ATRNL1: variants seen among roughly 807,000 people sequenced by gnomAD.
The protein encoded by ATRNL1 is attractin like 1.
In ATRNL1, 95 loss-of-function variants were observed where a neutral mutation model predicts 182.7. That is an observed-to-expected ratio of 0.52 (90% CI 0.44 to 0.62). ATRNL1 has a LOEUF of 0.62. ATRNL1 is among the 20% of genes least tolerant of loss of function. ATRNL1 has a pLI of 0.00. For missense variants in ATRNL1, 1,471 were observed against 1,679.5 expected (o/e 0.88, Z 2.17); for synonymous variants, 576 against 568.3 (o/e 1.01, Z -0.19).
chr10:115,657,832 A>G (rs1555036449), intron 26 of ATRNL1, among the ~76,000 whole-genome samples: 1 of 152,076 alleles, frequency 6.6e-6, no homozygotes, highest in Non-Finnish European at 1.5e-5. Flanking sequence ...CTACCCCTGT[A>G]TCTTTCTGAC....
intron 19 of ATRNL1, among the ~76,000 whole-genome samples, chr10:115,348,124 C>T (rs1856059595): frequency 6.6e-6 from 1 of 152,136 alleles, no homozygotes; most frequent in African/African-American, 2.4e-5. Context: ...CAGGCACGCG[C>T]CACTGCACCC....
intron 26 of ATRNL1, among the ~76,000 whole-genome samples, chr10:115,674,990 T>C (rs1452042494): frequency 2.0e-5 from 3 of 152,154 alleles, no homozygotes; most frequent in Non-Finnish European, 4.4e-5. Context: ...GTGTGTTCAT[T>C]TCTTTTAACT....
chr10:115,265,576 C>G (rs11197141), intron 11 of ATRNL1, among the ~76,000 whole-genome samples: 49 of 151,562 alleles, frequency 3.2e-4, no homozygotes, highest in Non-Finnish European at 5.8e-4. Context: ...AGGAATGACT[C>G]TTCTTTTAAA....
At chr10:115,787,929 C>T (rs1418491339) in intron 27 of ATRNL1, among the ~76,000 whole-genome samples, 1 of 152,146 alleles carries the variant, frequency 6.6e-6, no homozygotes, top group African/African-American at 2.4e-5. Flanking sequence ...ATAGTAGATG[C>T]AGAGATTTGA....
chr10:115,198,724 G>A (rs766135498), intron 8 of ATRNL1, among the ~76,000 whole-genome samples: 40 of 151,952 alleles, frequency 2.6e-4, no homozygotes, highest in Admixed American at 3.9e-4. Flanking sequence ...TTCTGCATGT[G>A]GATATCCAGT....
At chr10:115,182,276 T>C (rs1295419184) in intron 8 of ATRNL1, among the ~76,000 whole-genome samples, 3 of 151,472 alleles carry the variant, frequency 2.0e-5, no homozygotes, top group African/African-American at 4.8e-5. Flanking sequence ...CTAGGTATAC[T>C]GAGGATTAAA....
chr10:115,204,945 C>T (rs1308306717), intron 8 of ATRNL1, among the ~76,000 whole-genome samples: 1 of 151,974 alleles, frequency 6.6e-6, no homozygotes, highest in South Asian at 2.1e-4. Flanking sequence ...GATTCAAAAA[C>T]TTGATTAGTG....
intron 9 of ATRNL1, among the ~76,000 whole-genome samples, chr10:115,234,407 C>T (rs1850086022): frequency 6.6e-6 from 1 of 151,666 alleles, no homozygotes; most frequent in Non-Finnish European, 1.5e-5. Flanking sequence ...ACATGATGCC[C>T]TCTTAAGCAT....
intron 24 of ATRNL1, among the ~76,000 whole-genome samples, chr10:115,475,390 TG>T (rs1554972908): frequency 6.6e-6 from 1 of 151,548 alleles, no homozygotes; most frequent in Admixed American, 6.6e-5. Flanking sequence ...CCTATCAGTT[TG>T]TCAGTTATGA....
At chr10:115,803,589 G>T (rs573580516) in intron 27 of ATRNL1, among the ~76,000 whole-genome samples, 2 of 140,938 alleles carry the variant, frequency 1.4e-5, no homozygotes, top group Admixed American at 6.9e-5. Context: ...AGAAGTTTGG[G>T]TTTTTTTGTG....
At chr10:115,889,946 C>A (rs1555110714) in intron 28 of ATRNL1, among the ~76,000 whole-genome samples, 9 of 152,090 alleles carry the variant, frequency 5.9e-5, no homozygotes, top group Non-Finnish European at 1.0e-4. Flanking sequence ...GGGTGATGAG[C>A]AATTTGGATA....
intron 26 of ATRNL1, among the ~76,000 whole-genome samples, chr10:115,584,439 T>C (rs1377066300): frequency 1.4e-5 from 2 of 141,820 alleles, no homozygotes; most frequent in Non-Finnish European, 3.1e-5. Flanking sequence ...GTGTTATTGG[T>C]CTATTCAGAG....
chr10:115,699,430 A>T lies in ATRNL1; in HGVS notation c.3796-27818A>T, dbSNP rs543254272. On this transcript the variant is annotated intron_variant, in intron 26 of 28. Transcript: ENST00000355044. ...AAAACTAGAGTAATTAAGAAATGTGATTTTTTGCGTAAGGATAGGCAATTA... is the reference window on the plus strand; with the variant it reads ...AAAACTAGAGTAATTAAGAAATGTGTTTTTTTGCGTAAGGATAGGCAATTA... Among the ~76,000 whole-genome samples the T allele has an allele frequency of 3.3e-5, 5 of 152,212 alleles. No homozygotes were observed. In the South Asian group the frequency reaches 6.2e-4, roughly 19 times the overall value.
At chr10:115,440,348 ATTCT>A (rs1410406540) in intron 21 of ATRNL1, among the ~76,000 whole-genome samples, 12 of 151,656 alleles carry the variant, frequency 7.9e-5, no homozygotes, top group Non-Finnish European at 8.9e-5. Flanking sequence ...CTGGGGTTTT[ATTCT>A]TTCTTTCTTT....
At chr10:115,543,707 T>C (rs931530880) in intron 25 of ATRNL1, among the ~76,000 whole-genome samples, 2 of 152,196 alleles carry the variant, frequency 1.3e-5, no homozygotes, top group Non-Finnish European at 2.9e-5. Flanking sequence ...ATGTTACTTA[T>C]ATTGAATTCT....
intron 20 of ATRNL1, among the ~76,000 whole-genome samples, chr10:115,397,346 T>C (rs949012022): frequency 4.6e-5 from 7 of 152,006 alleles, no homozygotes; most frequent in African/African-American, 1.7e-4. Flanking sequence ...TTAGGATAAT[T>C]TCTGTTTGGT....
intron 9 of ATRNL1, among the ~76,000 whole-genome samples, chr10:115,216,680 A>T (rs1374774100): frequency 2.0e-5 from 3 of 151,874 alleles, no homozygotes; most frequent in Admixed American, 6.6e-5. Context: ...AATCTGGGAA[A>T]TGACTTTTTT....
chr10:115,427,716 C>G (rs1845967737), intron 21 of ATRNL1, among the ~76,000 whole-genome samples: 2 of 152,144 alleles, frequency 1.3e-5, no homozygotes, highest in East Asian at 3.9e-4. Flanking sequence ...TGCACCTTTG[C>G]TGAAAAACAC....
intron 6 of ATRNL1, among the ~76,000 whole-genome samples, chr10:115,161,979 T>C (rs921872118): frequency 6.6e-6 from 1 of 152,086 alleles, no homozygotes; most frequent in Non-Finnish European, 1.5e-5. Flanking sequence ...TCTATTAAAT[T>C]AGAAAGACTT....
Sources: gnomAD v4.1 joint callset for allele counts (sites outside exome capture counted in the v4.1 genomes callset) on GRCh38, gnomAD v4.1.1 for gene constraint, MANE v1.5 for transcripts, NCBI Gene and HGNC (gene_info 2026-07-23, HGNC 2026-07-21) for gene names.